The following SPATS2 variants were observed in gnomAD, a reference collection of about 807,000 sequenced individuals.
SPATS2 encodes the protein spermatogenesis associated serine rich 2.
Under a neutral mutation model 63.7 loss-of-function variants are expected in SPATS2, and 38 were observed. The ratio of observed to expected loss-of-function variants is 0.60; its 90% CI spans 0.46 to 0.78. SPATS2 has a LOEUF of 0.78. Ranked by LOEUF, SPATS2 falls within the 30% of genes least tolerant of loss-of-function variation. SPATS2 has a pLI of 0.00. For synonymous variants in SPATS2, 207 were observed against 232.9 expected (o/e 0.89, Z 1.01); for missense variants, 588 against 666.2 (o/e 0.88, Z 1.29).
chr12:49,492,074 G>T (rs1946391830), intron 6 of SPATS2, among the ~76,000 whole-genome samples: 1 of 152,100 alleles, frequency 6.6e-6, no homozygotes, highest in African/African-American at 2.4e-5. Context: ...TTTTCCAAGG[G>T]TTACCTAATA....
chr12:49,481,380 T>A (rs796648406), intron 3 of SPATS2, among the ~76,000 whole-genome samples: 1 of 144,832 alleles, frequency 6.9e-6, no homozygotes, highest in Non-Finnish European at 1.5e-5. Flanking sequence ...AAGAAAGAAA[T>A]AATTCCAAAA....
intron 2 of SPATS2, among the ~76,000 whole-genome samples, chr12:49,413,823 A>T (rs1944840908): frequency 6.6e-6 from 1 of 152,250 alleles, no homozygotes; most frequent in Middle Eastern, 3.4e-3. Flanking sequence ...CCTACCCAGT[A>T]TGCAACACTG....
intron 2 of SPATS2, among the ~76,000 whole-genome samples, chr12:49,414,585 T>C (rs1246437675): frequency 1.3e-5 from 2 of 152,150 alleles, no homozygotes; most frequent in East Asian, 3.8e-4. Flanking sequence ...TTGGATTTGA[T>C]CTTTGCCCAG....
At chr12:49,367,329 G>T, upstream of SPATS2, 3 of 385,532 alleles carry the variant, frequency 7.8e-6, no homozygotes, top group Non-Finnish European at 9.2e-6. Flanking sequence ...GCGAGCCGCT[G>T]CCTGGGCGAG....
chr12:49,411,809 ATTC>A (rs1592371566), intron 2 of SPATS2, among the ~76,000 whole-genome samples: 1 of 152,178 alleles, frequency 6.6e-6, no homozygotes, highest in Non-Finnish European at 1.5e-5. Flanking sequence ...CCTCCTTGCT[ATTC>A]TTCTTTCACA....
intron 2 of SPATS2, chr12:49,389,797 A>C (rs764696353): frequency 4.4e-6 from 5 of 1,123,862 alleles, no homozygotes; most frequent in African/African-American, 1.5e-5. Flanking sequence ...GAAGAACATC[A>C]GTCGGCCTTG....
chr12:49,431,933 C>T (rs1403034603), intron 2 of SPATS2, among the ~76,000 whole-genome samples: 2 of 151,622 alleles, frequency 1.3e-5, no homozygotes, highest in African/African-American at 4.8e-5. Flanking sequence ...TCGGGAGGAT[C>T]GTTTGAACCT....
intron 7 of SPATS2, 105 bp downstream of exon 7, chr12:49,495,107 G>A (rs1318183674): frequency 1.6e-6 from 2 of 1,219,084 alleles, no homozygotes; most frequent in Admixed American, 6.0e-5. Context: ...TTTTTATCCA[G>A]TGCTTGCTGA....
chr12:49,470,986 T>C (rs761435129), intron 3 of SPATS2, among the ~76,000 whole-genome samples: 20 of 152,322 alleles, frequency 1.3e-4, no homozygotes, highest in Admixed American at 4.6e-4. Flanking sequence ...ACATGAGTAA[T>C]AGTATAAAAC....
intron 2 of SPATS2, among the ~76,000 whole-genome samples, chr12:49,436,337 T>C (rs1406971415): frequency 4.2e-5 from 6 of 141,308 alleles, no homozygotes; most frequent in Non-Finnish European, 6.1e-5. Flanking sequence ...CACTTCGCAG[T>C]AGGGGCGGCC....
intron 2 of SPATS2, among the ~76,000 whole-genome samples, chr12:49,444,490 A>G (rs1733141917): frequency 2.0e-5 from 3 of 152,046 alleles, no homozygotes; most frequent in Non-Finnish European, 1.5e-5. Context: ...AAGTGCTTGG[A>G]TTATAGGTGT....
chr12:49,393,091 T>C (rs1484386353), intron 2 of SPATS2, among the ~76,000 whole-genome samples: 1 of 152,166 alleles, frequency 6.6e-6, no homozygotes, highest in African/African-American at 2.4e-5. Context: ...TACTCACCAG[T>C]GCTTTGTCTC....
At chr12:49,415,187 C>G (rs1184678264) in intron 2 of SPATS2, among the ~76,000 whole-genome samples, 1 of 151,942 alleles carries the variant, frequency 6.6e-6, no homozygotes, top group Non-Finnish European at 1.5e-5. Context: ...CCCTCAGCCT[C>G]CCAAAGTGCT....
intron 2 of SPATS2, among the ~76,000 whole-genome samples, chr12:49,455,432 G>C (rs1017631756): frequency 6.6e-6 from 1 of 152,210 alleles, no homozygotes; most frequent in Non-Finnish European, 1.5e-5. Flanking sequence ...TTCTGACACA[G>C]GATCTTGCTC....
chr12:49,410,284 C>T (rs1247470730), intron 2 of SPATS2, among the ~76,000 whole-genome samples: 2 of 152,062 alleles, frequency 1.3e-5, no homozygotes, highest in Admixed American at 6.5e-5. Flanking sequence ...CCATGTTGGC[C>T]ATGCTGGTCT....
intron 2 of SPATS2, among the ~76,000 whole-genome samples, chr12:49,373,611 G>A (rs937792522): frequency 1.3e-5 from 2 of 152,014 alleles, no homozygotes; most frequent in African/African-American, 4.8e-5. Context: ...GGGCAACAGC[G>A]AGACCCTGTC....
rs888247894 is a variant in SPATS2 at position 49,439,887 on chromosome 12, C to T, written c.-243-20883C>T. ...AGATTCCATTTTCATTTCTTTGCTACGAGAGCAAAGAGGAGTTTCCACTTA... is the reference window on the plus strand; with the variant it reads ...AGATTCCATTTTCATTTCTTTGCTATGAGAGCAAAGAGGAGTTTCCACTTA... On this transcript the variant is annotated intron_variant, in intron 2 of 13. Transcript: ENST00000552918. Among the ~76,000 whole-genome samples the T allele has an allele frequency of 4.6e-5, 7 of 152,092 alleles. No homozygotes were observed. In the South Asian group the frequency reaches 1.0e-3, roughly 23 times the overall value.
chr12:49,367,394 GA>G, upstream of SPATS2: 1 of 396,884 alleles, frequency 2.5e-6, no homozygotes, highest in Non-Finnish European at 4.4e-6. Context: ...GCCCAGGAGA[GA>G]AGTGGGGAGG....
At chr12:49,384,702 A>G (rs1467741864) in intron 2 of SPATS2, among the ~76,000 whole-genome samples, 1 of 152,074 alleles carries the variant, frequency 6.6e-6, no homozygotes, top group Non-Finnish European at 1.5e-5. Flanking sequence ...TCTTTTTCTC[A>G]CTAGATTATA....
Sources: gnomAD v4.1 joint callset for allele counts (sites outside exome capture counted in the v4.1 genomes callset) on GRCh38, gnomAD v4.1.1 for gene constraint, MANE v1.5 for transcripts, NCBI Gene and HGNC (gene_info 2026-07-23, HGNC 2026-07-21) for gene names.